BACE2: variants seen among roughly 807,000 people sequenced by gnomAD.
The protein encoded by BACE2 is beta-secretase 2.
Under a neutral mutation model 46.2 loss-of-function variants are expected in BACE2, and 17 were observed. The observed-to-expected ratio is 0.37, with a 90% CI of 0.25 to 0.55. The LOEUF is 0.55. Ranked by LOEUF, BACE2 falls within the 20% of genes least tolerant of loss-of-function variation. The pLI is 0.82. For missense variants in BACE2, 595 were observed against 698.1 expected (o/e 0.85, Z 1.66); for synonymous variants, 277 against 295.9 (o/e 0.94, Z 0.66).
At chr21:41,179,322 TC>T (rs1984996940) in intron 1 of BACE2, 2 of 1,281,988 alleles carry the variant, frequency 1.6e-6, no homozygotes, top group Admixed American at 5.0e-5. Context: ...AGTGAGAGTG[TC>T]CAGGGTGAGG....
intron 1 of BACE2, among the ~76,000 whole-genome samples, chr21:41,198,050 G>A (rs957097520): frequency 1.3e-5 from 2 of 152,164 alleles, no homozygotes; most frequent in African/African-American, 2.4e-5. Context: ...GGAGTGCAGT[G>A]GTGCAATCTC....
intron 1 of BACE2, among the ~76,000 whole-genome samples, chr21:41,187,003 C>T (rs1985401594): frequency 6.6e-6 from 1 of 152,220 alleles, no homozygotes; most frequent in Non-Finnish European, 1.5e-5. Context: ...ACTGCATCTG[C>T]CCTGACCTGT....
intron 1 of BACE2, among the ~76,000 whole-genome samples, chr21:41,207,082 A>G (rs1986149884): frequency 1.3e-5 from 2 of 152,240 alleles, no homozygotes; most frequent in African/African-American, 4.8e-5. Context: ...GAAACTCCAG[A>G]AACATCTTGA....
chr21:41,168,423 G>A lies in BACE2; in HGVS notation c.160G>A (p.Glu54Lys), dbSNP rs771326191. Residue 54 changes from glutamate to lysine, a missense_variant, in exon 1 of 9, where the codon GAG becomes AAG. Around this residue, in one of 3 missense-constraint regions of BACE2, gnomAD observed 248 missense variants for 261.4 expected, o/e 0.95. Coordinates refer to ENST00000330333, the MANE Select transcript of BACE2 (RefSeq NM_012105.5). ...CACCCCGGGACCCGGGACCCCTGCC[G>A]AGCGCCACGCCGACGGCTTGGCGCT... ...APTPGPGTPA[E>K]RHADGLALAL... 2.1e-6 allele frequency: 3 copies of A among 1,403,058 alleles called. No homozygotes were observed. The highest frequency in any genetic ancestry group is 2.8e-6 in the Non-Finnish European group (3 of 1,076,432). 86.9% of individuals were successfully genotyped at this position (1,403,058 alleles called of 1,614,324 possible).
intron 8 of BACE2, among the ~76,000 whole-genome samples, chr21:41,268,460 G>A (rs1291521543): frequency 1.3e-5 from 2 of 152,238 alleles, no homozygotes; most frequent in Non-Finnish European, 2.9e-5. Flanking sequence ...AAAGCCCCCA[G>A]AAGGAATTTT....
At position 41,193,822 on chromosome 21, in the gene BACE2, AC is replaced by A. The variant is rs2123517305; in HGVS notation, c.312+25249del. On this transcript the variant is annotated intron_variant, in intron 1 of 8. Coordinates refer to ENST00000330333, the MANE Select transcript of BACE2 (RefSeq NM_012105.5). The surrounding 1 kb of genome is among the most constrained non-coding windows in gnomAD (Gnocchi z 4.2). ...CCGTAAGCCTCTACTTTACTGGAGG[AC>A]CACAGTGACATTTTGGGTCCTCTGG... Among the ~76,000 whole-genome samples, 1 of 152,322 alleles carries A rather than the reference AC, an allele frequency of 6.6e-6. No homozygotes were observed. Among genetic ancestry groups the A allele is most frequent in the African/African-American group, 2.4e-5 (1 of 41,574 alleles).
chr21:41,201,662 A>G (rs3787933), intron 1 of BACE2, among the ~76,000 whole-genome samples: 44,230 of 152,256 alleles, frequency 0.29, 10,507 homozygotes, highest in African/African-American at 0.66. Context: ...GGCGCAACGC[A>G]CAGCTAGTTG....
intron 8 of BACE2, among the ~76,000 whole-genome samples, chr21:41,264,197 G>A (rs972561227): frequency 6.7e-6 from 1 of 149,854 alleles, no homozygotes; most frequent in African/African-American, 2.4e-5. Flanking sequence ...TTCTTTAATT[G>A]TCTTTGGTTT....
rs377092464 is a variant in BACE2, at chr21:41,280,575, G to A, written c.*4951G>A. 1 of 152,362 alleles carries A rather than the reference G, an allele frequency of 6.6e-6. No individual in the cohort carries two copies. Among genetic ancestry groups the A allele is most frequent in the Non-Finnish European group, 1.5e-5 (1 of 68,154 alleles). The allele number at this position is 152,362 out of a possible 1,614,324, so 9.4% of individuals were successfully genotyped here. ...CATTTCAGTAAGCTCCCCAGGTGAG[G>A]CTGCAGAGCAGAAACCACGGCTTTC... is the stretch of plus-strand genomic sequence containing the variant. On this transcript the variant is annotated 3_prime_UTR_variant, in exon 9 of 9. Coordinates refer to ENST00000330333, the MANE Select transcript of BACE2 (RefSeq NM_012105.5).
intron 8 of BACE2, among the ~76,000 whole-genome samples, chr21:41,266,309 A>T (rs927065088): frequency 6.6e-6 from 1 of 152,100 alleles, no homozygotes; most frequent in Admixed American, 6.5e-5. Context: ...TGGGGAGTTC[A>T]TCTTGTTTTT....
chr21:41,243,155 G>T (rs546024725), intron 4 of BACE2, among the ~76,000 whole-genome samples: 1 of 152,024 alleles, frequency 6.6e-6, no homozygotes, highest in Non-Finnish European at 1.5e-5. Context: ...TTCATGATCC[G>T]CCCACCTCAG....
At chr21:41,218,969 T>A (rs1399634482) in intron 1 of BACE2, among the ~76,000 whole-genome samples, 2 of 152,000 alleles carry the variant, frequency 1.3e-5, no homozygotes. Context: ...TTCAAGCGAT[T>A]TTCCTGCCTC....
chr21:41,203,251 T>A (rs988762852), intron 1 of BACE2, among the ~76,000 whole-genome samples: 10 of 151,926 alleles, frequency 6.6e-5, no homozygotes, highest in African/African-American at 2.4e-4. Flanking sequence ...GGTAGGGAAG[T>A]GTCACAAGTT....
chr21:41,223,124 C>T (rs1490214301), intron 1 of BACE2, among the ~76,000 whole-genome samples: 1 of 152,096 alleles, frequency 6.6e-6, no homozygotes, highest in Non-Finnish European at 1.5e-5. Flanking sequence ...GAGGCCAAGA[C>T]GAGAGGATCA....
At chr21:41,235,300 T>C (rs1051139396) in intron 2 of BACE2, among the ~76,000 whole-genome samples, 18 of 152,340 alleles carry the variant, frequency 1.2e-4, no homozygotes, top group African/African-American at 2.9e-4. Context: ...GAAACATTTT[T>C]CCCTTGGCAC....
chr21:41,281,529 A>G lies in BACE2; in HGVS notation c.*5905A>G, dbSNP rs778145685. ...GACATATGTTTTTCTGTTGAGTGCT[A>G]TATGTGGAGGTCATTGCAAGTTCCC... On this transcript the variant is annotated 3_prime_UTR_variant, in exon 9 of 9. Coordinates refer to ENST00000330333, the MANE Select transcript of BACE2 (RefSeq NM_012105.5). The G allele has an allele frequency of 6.6e-6, 1 of 152,230 alleles. No homozygotes were observed. The highest frequency in any genetic ancestry group is 1.5e-5 in the Non-Finnish European group (1 of 68,036). The allele number at this position is 152,230 out of a possible 1,614,324, so 9.4% of individuals were successfully genotyped here.
chr21:41,179,319 G>A (rs1413870666), intron 1 of BACE2: 3 of 1,314,472 alleles, frequency 2.3e-6, no homozygotes, highest in African/African-American at 3.1e-5. Flanking sequence ...GTGAGTGAGA[G>A]TGTCCAGGGT....
intron 7 of BACE2, among the ~76,000 whole-genome samples, chr21:41,254,438 G>A (rs1420767066): frequency 6.6e-6 from 1 of 152,128 alleles, no homozygotes; most frequent in East Asian, 1.9e-4. Flanking sequence ...GTGTATTCGT[G>A]TGTCTGCCTG....
chr21:41,206,749 G>T (rs1302683394), intron 1 of BACE2, among the ~76,000 whole-genome samples: 1 of 152,184 alleles, frequency 6.6e-6, no homozygotes, highest in African/African-American at 2.4e-5. Context: ...TAACGCCATT[G>T]AACTTCACCT....
Sources: allele counts gnomAD v4.1 joint callset (sites outside exome capture counted in the v4.1 genomes callset), GRCh38; gene constraint gnomAD v4.1.1; regional missense constraint gnomAD v4.1.1; non-coding constraint Gnocchi (gnomAD v3.1); transcripts MANE v1.5; gene names NCBI Gene and HGNC (gene_info 2026-07-23, HGNC 2026-07-21).